Variants in WWOX observed in about 807,000 individuals in gnomAD.
WWOX encodes WW domain-containing oxidoreductase.
In WWOX, 69 loss-of-function variants were observed where a neutral mutation model predicts 46.2. The ratio of observed to expected loss-of-function variants is 1.49; its 90% confidence interval spans 1.23 to 1.82. The LOEUF (loss-of-function observed/expected upper bound fraction) is 1.82. Among genes scored for constraint, WWOX ranks in the 40% most tolerant of loss-of-function variants. WWOX has a pLI of 0.00. For missense variants in WWOX, 919 were observed against 542.6 expected (o/e 1.69, Z -6.89); for synonymous variants, 359 against 202.6 (o/e 1.77, Z -6.56).
At chr16:78,616,287 G>T (rs986821686) in intron 8 of WWOX, among the ~76,000 whole-genome samples, 1 of 151,948 alleles carries the variant, frequency 6.6e-6, no homozygotes, top group South Asian at 2.1e-4. Flanking sequence ...ATAACAAAAT[G>T]CCATGGACTG....
At chr16:78,110,380 G>A (rs545210652) in intron 3 of WWOX, among the ~76,000 whole-genome samples, 380 of 150,714 alleles carry the variant, frequency 2.5e-3, no homozygotes, top group Non-Finnish European at 3.2e-3. Context: ...GCACTGTGTG[G>A]ACTGTTTAGT....
intron 8 of WWOX, among the ~76,000 whole-genome samples, chr16:79,160,673 G>A (rs770829016): frequency 4.6e-5 from 7 of 152,124 alleles, no homozygotes; most frequent in Non-Finnish European, 7.3e-5. Context: ...CACTGATCAC[G>A]TCCCATACAA....
At chr16:78,708,642 G>A (rs1244931342) in intron 8 of WWOX, among the ~76,000 whole-genome samples, 5 of 152,196 alleles carry the variant, frequency 3.3e-5, no homozygotes, top group Non-Finnish European at 7.3e-5. Context: ...AGACCTCACA[G>A]TGAACTGTGG....
chr16:78,924,805 C>G (rs970707466), intron 8 of WWOX, among the ~76,000 whole-genome samples: 29 of 152,260 alleles, frequency 1.9e-4, no homozygotes, highest in African/African-American at 6.0e-4. Flanking sequence ...CTCTTTTAGA[C>G]TACTAGTGAT....
At chr16:78,863,495 C>G (rs1341177127) in intron 8 of WWOX, among the ~76,000 whole-genome samples, 1 of 152,190 alleles carries the variant, frequency 6.6e-6, no homozygotes, top group Non-Finnish European at 1.5e-5. Flanking sequence ...CAATGGACCA[C>G]TGGTCCCTGC....
chr16:78,489,373 C>A (rs544238234), intron 8 of WWOX, among the ~76,000 whole-genome samples: 1 of 152,016 alleles, frequency 6.6e-6, no homozygotes, highest in African/African-American at 2.4e-5. Context: ...TTTACTTGGC[C>A]AAATATCCGA....
intron 8 of WWOX, among the ~76,000 whole-genome samples, chr16:78,782,516 G>A (rs1296721683): frequency 6.6e-6 from 1 of 152,032 alleles, no homozygotes; most frequent in East Asian, 1.9e-4. Flanking sequence ...CAAACTACTT[G>A]GTAATTGAAT....
chr16:78,333,043 C>CTTGTTTTTTTTTTTTTTTTTTTTTTTT (rs2080797694), intron 5 of WWOX, among the ~76,000 whole-genome samples: 1 of 57,094 alleles, frequency 1.8e-5, no homozygotes, highest in Non-Finnish European at 3.8e-5. Flanking sequence ...GAGCATTATA[C>CTTGTTTTTTTTTTTTTTTTTTTTTTTT]TTTTTTTTTT....
At chr16:78,892,461 C>A (rs2044611452) in intron 8 of WWOX, among the ~76,000 whole-genome samples, 1 of 152,162 alleles carries the variant, frequency 6.6e-6, no homozygotes, top group African/African-American at 2.4e-5. Flanking sequence ...CTGGTTCTAC[C>A]TCTAGTTGGA....
intron 8 of WWOX, among the ~76,000 whole-genome samples, chr16:78,955,225 G>T (rs2046141104): frequency 6.6e-6 from 1 of 152,170 alleles, no homozygotes; most frequent in Admixed American, 6.5e-5. Context: ...TGCAATGTGG[G>T]TGCTCAAATG....
Position 79,212,167 on chromosome 16 carries a change from C to A in WWOX, c.*371C>A, listed in dbSNP as rs1453727310. On this transcript the variant is annotated 3_prime_UTR_variant, in exon 9 of 9. Coordinates refer to ENST00000566780, the MANE Select transcript of WWOX (RefSeq NM_016373.4). ...TCGTCCCATCCAGCTACCACCACGGCCACCACTGCAGCCGGGGGCTGGCCT... is the reference window on the plus strand; with the variant it reads ...TCGTCCCATCCAGCTACCACCACGGACACCACTGCAGCCGGGGGCTGGCCT... 2 of 1,486,914 alleles carry A rather than the reference C, an allele frequency of 1.3e-6. No individual in the cohort carries two copies. Among genetic ancestry groups the A allele is most frequent in the Non-Finnish European group, 1.8e-6 (2 of 1,127,132 alleles). The allele number at this position is 1,486,914 out of a possible 1,614,324, so 92.1% of individuals were successfully genotyped here.
chr16:78,919,333 G>A (rs951199712), intron 8 of WWOX, among the ~76,000 whole-genome samples: 3 of 151,826 alleles, frequency 2.0e-5, no homozygotes, highest in East Asian at 2.0e-4. Context: ...TCAAGCAGAG[G>A]GCAAGTGGTA....
chr16:78,970,086 G>T (rs766193080), intron 8 of WWOX, among the ~76,000 whole-genome samples: 1 of 152,152 alleles, frequency 6.6e-6, no homozygotes, highest in Non-Finnish European at 1.5e-5. Flanking sequence ...TTTCCCAAGT[G>T]CCCTCATTTA....
At chr16:78,870,988 A>C (rs2044115613) in intron 8 of WWOX, among the ~76,000 whole-genome samples, 1 of 152,168 alleles carries the variant, frequency 6.6e-6, no homozygotes, top group South Asian at 2.1e-4. Context: ...CCCAATAGCC[A>C]GGGTCTCATA....
intron 8 of WWOX, among the ~76,000 whole-genome samples, chr16:79,171,061 C>A (rs1034154770): frequency 5.9e-5 from 9 of 152,192 alleles, no homozygotes; most frequent in Admixed American, 3.9e-4. Context: ...TTAAGAGGAA[C>A]TATGTTTATT....
intron 8 of WWOX, among the ~76,000 whole-genome samples, chr16:78,906,069 T>G (rs370357887): frequency 9.2e-5 from 14 of 152,276 alleles, no homozygotes; most frequent in African/African-American, 3.4e-4. Context: ...GGCTACAGTA[T>G]TTTGTCTTCT....
chr16:78,176,482 C>T (rs2035350200), intron 5 of WWOX, among the ~76,000 whole-genome samples: 1 of 152,178 alleles, frequency 6.6e-6, no homozygotes, highest in African/African-American at 2.4e-5. Flanking sequence ...TATTTACCGG[C>T]AATTCTCAGA....
At chr16:78,647,363 C>CAGAAG in intron 8 of WWOX, among the ~76,000 whole-genome samples, 1 of 152,192 alleles carries the variant, frequency 6.6e-6, no homozygotes, top group African/African-American at 2.4e-5. Context: ...CCTCCTTCCA[C>CAGAAG]CTGGGAGACT....
Position 78,314,386 on chromosome 16 carries a change from AC to A in WWOX, c.517-72473del, listed in dbSNP as rs2080311853. Among the ~76,000 whole-genome samples, 4 of 49,382 alleles carry A rather than the reference AC, an allele frequency of 8.1e-5. No individual in the cohort carries two copies. In the East Asian group the frequency reaches 0.013, roughly 166 times the overall value. 32.4% of individuals were successfully genotyped at this position (49,382 alleles called of 152,430 possible). A position where few individuals can be genotyped will look rare whatever the true frequency, so the allele number is the denominator to read the frequency against. On this transcript the variant is annotated intron_variant, in intron 5 of 8. Coordinates refer to ENST00000566780, the MANE Select transcript of WWOX (RefSeq NM_016373.4). ...GAGCCACTGCACTCCAGCCTGAGCA[AC>A]AGAGTGAGACTCTGTCTCAAAAAAA...
Sources: allele counts gnomAD v4.1 joint callset (sites outside exome capture counted in the v4.1 genomes callset), GRCh38; gene constraint gnomAD v4.1.1; transcripts MANE v1.5; gene names NCBI Gene and HGNC (gene_info 2026-07-23, HGNC 2026-07-21).